The following HAUS2 variants were observed in gnomAD, a reference collection of about 807,000 sequenced individuals.
HAUS2 encodes the protein HAUS augmin-like complex subunit 2.
In HAUS2, 20 loss-of-function variants were observed where a neutral mutation model predicts 21.6. The observed-to-expected ratio is 0.93, with a 90% confidence interval of 0.65 to 1.35. The LOEUF (loss-of-function observed/expected upper bound fraction) is 1.35, where lower values mean the gene tolerates loss of function less well. HAUS2 is among the 40% of genes most tolerant of loss of function. The pLI is 0.00. For missense variants in HAUS2, 297 were observed against 280.7 expected (o/e 1.06, Z -0.42); for synonymous variants, 113 against 95.6 (o/e 1.18, Z -1.06).
chr15:42,552,940 A>T (rs1430964577), intron 1 of HAUS2, among the ~76,000 whole-genome samples: 3 of 152,052 alleles, frequency 2.0e-5, no homozygotes, highest in African/African-American at 7.2e-5. Context: ...AGTGCCCACC[A>T]ATTACAAGTT....
rs9788685 is a variant in HAUS2 at position 42,553,961 on chromosome 15, C to A, written c.94-4237C>A. Among the ~76,000 whole-genome samples, 658 of 152,314 alleles carry A rather than the reference C, an allele frequency of 4.3e-3. 13 individuals carry two copies. The highest frequency in any genetic ancestry group is 0.034 in the East Asian group (174 of 5,194). On this transcript the variant is annotated intron_variant, in intron 1 of 5. Transcript: ENST00000260372. Reference sequence around the variant, plus strand: ...CAGTGTGAAGTTGGAGTAATACTTTCCTGTTCCTCAATTTTGCCATCAGTA... The same window carrying A: ...CAGTGTGAAGTTGGAGTAATACTTTACTGTTCCTCAATTTTGCCATCAGTA...
At chr15:42,553,303 GCTT>G (rs1384097744) in intron 1 of HAUS2, among the ~76,000 whole-genome samples, 3 of 152,184 alleles carry the variant, frequency 2.0e-5, no homozygotes, top group African/African-American at 4.8e-5. Flanking sequence ...CTGGATTTGA[GCTT>G]CTTCTTGTGC....
chr15:42,549,589 G>A (rs1345503080), intron 1 of HAUS2, among the ~76,000 whole-genome samples: 2 of 151,498 alleles, frequency 1.3e-5, no homozygotes, highest in African/African-American at 4.9e-5. Flanking sequence ...TGGGACTACA[G>A]GCGCCCACCA....
rs746371130 is a variant in HAUS2 at position 42,563,797 on chromosome 15, A to T, written c.438A>T (p.Leu146Phe). 1.3e-6 allele frequency: 2 copies of T among 1,586,434 alleles called. No homozygotes were observed. The highest frequency in any genetic ancestry group is 4.5e-5 in the East Asian group (2 of 44,558). The stretch of plus-strand genomic sequence containing the variant: ...TGGCTGTGACTTTCATTGAGAGATT[A>T]GAAACCCACCTTGAAACAATTAGAA... ...LELAVTFIER[L>F]ETHLETIRNI... The change falls in exon 5 of 6, where the codon TTA (leucine) becomes TTT (phenylalanine). Residue 146 changes from leucine to phenylalanine, a missense_variant. Leu to Phe is a conservative substitution (Grantham distance 22). Transcript: ENST00000260372.
chr15:42,551,796 G>A (rs2057728564), intron 1 of HAUS2, among the ~76,000 whole-genome samples: 1 of 152,016 alleles, frequency 6.6e-6, no homozygotes, highest in Non-Finnish European at 1.5e-5. Flanking sequence ...TTGTCTTGGG[G>A]GTGTCTACTG....
rs981643133 is a variant in HAUS2 at position 42,567,408 on chromosome 15, A to AG, written c.*593dup. ...ACAGTAAGACCCTGTCTCAAAAAAAAGAAGTGTGTTTCTGGCCAGGCACGG... is the reference window on the plus strand; with the variant it reads ...ACAGTAAGACCCTGTCTCAAAAAAAAGGAAGTGTGTTTCTGGCCAGGCACGG... On this transcript the variant is annotated 3_prime_UTR_variant, in exon 6 of 6. Coordinates refer to ENST00000260372, the MANE Select transcript of HAUS2 (RefSeq NM_018097.3). 1.3e-5 allele frequency: 2 copies of AG among 153,178 alleles called. No homozygotes were observed. Among genetic ancestry groups the AG allele is most frequent in the African/African-American group, 2.4e-5 (1 of 41,466 alleles). 9.5% of individuals were successfully genotyped at this position (153,178 alleles called of 1,614,324 possible).
chr15:42,557,513 TTA>T (rs10546541), intron 1 of HAUS2, among the ~76,000 whole-genome samples: 3,681 of 23,518 alleles, frequency 0.16, 525 homozygotes, highest in African/African-American at 0.28. Context: ...AATGTATATA[TTA>T]TATATATATG....
intron 5 of HAUS2, among the ~76,000 whole-genome samples, chr15:42,565,362 T>C (rs1382672429): frequency 6.6e-6 from 1 of 151,830 alleles, no homozygotes; most frequent in Non-Finnish European, 1.5e-5. Flanking sequence ...TAGACTTTAC[T>C]GTCTGAGTAT....
intron 1 of HAUS2, among the ~76,000 whole-genome samples, chr15:42,554,355 C>A (rs12324717): frequency 0.32 from 48,442 of 151,708 alleles, 9,585 homozygotes; most frequent in African/African-American, 0.56. Context: ...AAAATGTACA[C>A]TTCAGTGGCA....
Position 42,559,397 on chromosome 15 carries a change from C to T in HAUS2, c.245C>T (p.Pro82Leu), listed in dbSNP as rs749222409. 16 of 1,599,840 alleles carry T rather than the reference C, an allele frequency of 1.0e-5. No homozygotes were observed. The Admixed American group carries it at 1.3e-4, about 13-fold the overall frequency. ...LEKDTADVVH[P>L]FFLAQKCHTL... ...AAAGATACAGCAGATGTTGTTCATC[C>T]TTTCTTTTTGGGTAAGTGGTTTGGT... The change falls in exon 3 of 6, where the codon CCT becomes CTT. Residue 82 changes from proline to leucine, a missense_variant. By Grantham distance (98) the Pro-to-Leu change is moderately conservative. Coordinates refer to ENST00000260372, the MANE Select transcript of HAUS2 (RefSeq NM_018097.3).
chr15:42,566,638 T>A lies in HAUS2; in HGVS notation c.530T>A (p.Val177Glu). 1 of 1,608,204 alleles carries A rather than the reference T, an allele frequency of 6.2e-7. No individual in the cohort carries two copies. The change falls in exon 6 of 6, where the codon GTG becomes GAG. Residue 177 changes from valine to glutamate, a missense_variant. Val to Glu is a moderately radical substitution (Grantham distance 121, BLOSUM62 -2). Transcript: ENST00000260372. ...GCTTTAGCAAAGATGGATATATTGG[T>A]GACTGAGACAGAAGAACTGGCAGAG... ...NQALAKMDILVTETEELAENI... is the reference protein window; with the variant it reads ...NQALAKMDILETETEELAENI...
chr15:42,553,065 C>T (rs1028788422), intron 1 of HAUS2, among the ~76,000 whole-genome samples: 1 of 150,986 alleles, frequency 6.6e-6, no homozygotes, highest in Admixed American at 6.6e-5. Context: ...CAGCTCACCA[C>T]AACCTCCGCC....
intron 1 of HAUS2, among the ~76,000 whole-genome samples, chr15:42,555,713 T>C (rs2057766148): frequency 1.3e-5 from 2 of 152,190 alleles, no homozygotes; most frequent in African/African-American, 4.8e-5. Flanking sequence ...TCACTCATAT[T>C]TGAATATTTC....
chr15:42,565,781 A>T (rs1389524211), intron 5 of HAUS2, among the ~76,000 whole-genome samples: 1 of 152,144 alleles, frequency 6.6e-6, no homozygotes, highest in Non-Finnish European at 1.5e-5. Flanking sequence ...ACAGAAGATA[A>T]TTTTTTTAGA....
chr15:42,550,700 G>A (rs1299896008), intron 1 of HAUS2, among the ~76,000 whole-genome samples: 7 of 151,632 alleles, frequency 4.6e-5, no homozygotes, highest in Admixed American at 2.0e-4. Flanking sequence ...ACGGAGTCTC[G>A]CTCTGTTGCC....
chr15:42,565,089 A>G (rs1165242105), intron 5 of HAUS2, among the ~76,000 whole-genome samples: 3 of 152,204 alleles, frequency 2.0e-5, no homozygotes, highest in Admixed American at 1.3e-4. Flanking sequence ...CACCTGCCTC[A>G]GCCTCCCAAA....
chr15:42,558,138 C>G (rs1049343726), intron 1 of HAUS2, 60 bp from the exon 2 acceptor site: 14 of 744,114 alleles, frequency 1.9e-5, no homozygotes, highest in Non-Finnish European at 2.9e-5. Context: ...GCATGCTATT[C>G]CAATGTACCT....
At chr15:42,557,777 G>C (rs550672941) in intron 1 of HAUS2, among the ~76,000 whole-genome samples, 1 of 141,524 alleles carries the variant, frequency 7.1e-6, no homozygotes, top group Non-Finnish European at 1.5e-5. Flanking sequence ...GTCATTTAAC[G>C]AATCAGATAA....
intron 3 of HAUS2, 89 bp downstream of exon 3, chr15:42,559,497 A>G: frequency 1.3e-6 from 1 of 756,836 alleles, no homozygotes; most frequent in Non-Finnish European, 2.4e-6. Flanking sequence ...AAATTATGAT[A>G]CACCATCATT....
Sources: gnomAD v4.1 joint callset for allele counts (sites outside exome capture counted in the v4.1 genomes callset) on GRCh38, gnomAD v4.1.1 for gene constraint, MANE v1.5 for transcripts, NCBI Gene and HGNC (gene_info 2026-07-23, HGNC 2026-07-21) for gene names.